FCHSD1: variants seen among roughly 807,000 people sequenced by gnomAD.
The protein encoded by FCHSD1 is F-BAR and double SH3 domains protein 1.
FCHSD1 carries 109 observed loss-of-function variants against 101.3 expected under a neutral mutation model. The ratio of observed to expected loss-of-function variants is 1.08; its 90% CI spans 0.92 to 1.26. The LOEUF (loss-of-function observed/expected upper bound fraction) is 1.26. FCHSD1 is among the 50% of genes most tolerant of loss of function. The pLI is 0.00. For synonymous variants in FCHSD1, 291 were observed against 356.8 expected, an observed-to-expected ratio of 0.82 and a Z score of 2.08; for missense variants, 820 against 895.8, an observed-to-expected ratio of 0.92 and a Z score of 1.08.
In FCHSD1 at chr5:141,640,700, C is replaced by G. The variant is rs1478160808; in HGVS notation, c.*798G>C. 2 of 1,533,850 alleles carry G rather than the reference C, an allele frequency of 1.3e-6. No homozygotes were observed. Among genetic ancestry groups the G allele is most frequent in the South Asian group, 1.2e-5 (1 of 83,696 alleles). The stretch of plus-strand genomic sequence containing the variant: ...CTTCATTGTGCTGATGGACTACCAG[C>G]TGGCAGGGCCAGGGGGTGGGTGGGC... On this transcript the variant is annotated 3_prime_UTR_variant, in exon 20 of 20. Coordinates refer to ENST00000435817, the MANE Select transcript of FCHSD1 (RefSeq NM_033449.3).
At chr5:141,645,960 G>A (rs753074024) in intron 12 of FCHSD1, 28 bp from the exon 13 acceptor site, 4 of 1,550,176 alleles carry the variant, frequency 2.6e-6, no homozygotes, top group Admixed American at 3.9e-5. Context: ...TAAGTTAGTG[G>A]AACCTGGCTG....
intron 18 of FCHSD1, 79 bp downstream of exon 18, chr5:141,642,922 A>G (rs1444718737): frequency 1.4e-6 from 2 of 1,404,588 alleles, no homozygotes; most frequent in African/African-American, 1.5e-5. Flanking sequence ...GGAGAGGACC[A>G]GAGCGTGACC....
Position 141,641,023 on chromosome 5 carries a change from C to A in FCHSD1, c.*475G>T. The A allele has an allele frequency of 2.6e-6, 1 of 383,820 alleles. No individual in the cohort carries two copies. Among genetic ancestry groups the A allele is most frequent in the Non-Finnish European group, 4.7e-6 (1 of 214,902 alleles). The allele number at this position is 383,820 out of a possible 1,614,324, so 23.8% of individuals were successfully genotyped here. A position where few individuals can be genotyped will look rare whatever the true frequency, so the allele number is the denominator to read the frequency against. On this transcript the variant is annotated 3_prime_UTR_variant, in exon 20 of 20. Transcript: ENST00000435817. The stretch of plus-strand genomic sequence containing the variant: ...GAGGCCCAGGCCCTGGCCTGGCCTT[C>A]GTGCCCTTTATTCATTGTCAATAAA...
rs569924469 is a variant in FCHSD1 at position 141,649,881 on chromosome 5, G to A, written c.233+6C>T. The A allele has an allele frequency of 1.5e-5, 23 of 1,547,902 alleles. No individual in the cohort carries two copies. The South Asian group carries it at 2.6e-4, about 18-fold the overall frequency. On this transcript the variant is annotated splice_donor_region_variant and intron_variant, in intron 4 of 19. Transcript: ENST00000435817. This position sits in a 1 kb window ranked among gnomAD's most constrained non-coding sequence, Gnocchi z 4.1. Reference sequence around the variant, plus strand: ...CTCTGTGGCCCTCCCCCTCCATAGGGCCCACCTGCTGTCCATCTCACCGCT... The same window carrying A: ...CTCTGTGGCCCTCCCCCTCCATAGGACCCACCTGCTGTCCATCTCACCGCT...
chr5:141,651,330 A>G lies in FCHSD1; in HGVS notation c.21+18T>C, dbSNP rs548102860. Reference sequence around the variant, plus strand: ...TTCCCCCAGCCCGCCAGGAGTCCCCATTCAGGGCCAAGCTCACTTTTCGGG... The same window carrying G: ...TTCCCCCAGCCCGCCAGGAGTCCCCGTTCAGGGCCAAGCTCACTTTTCGGG... On this transcript the variant is annotated intron_variant, in intron 1 of 19. Coordinates refer to ENST00000435817, the MANE Select transcript of FCHSD1 (RefSeq NM_033449.3). The G allele has an allele frequency of 3.2e-6, 5 of 1,553,306 alleles. No individual in the cohort carries two copies. The African/African-American group carries it at 4.1e-5, about 13-fold the overall frequency.
At chr5:141,647,552 C>A (rs915143539) in intron 8 of FCHSD1, 32 bp from the exon 9 acceptor site, 13 of 1,610,244 alleles carry the variant, frequency 8.1e-6, no homozygotes, top group African/African-American at 2.7e-5. Context: ...TGACACCACC[C>A]TTCCCCCAGA....
intron 13 of FCHSD1, 81 bp from the exon 14 acceptor site, chr5:141,645,229 A>G: frequency 1.3e-6 from 2 of 1,505,592 alleles, no homozygotes; most frequent in Non-Finnish European, 1.8e-6. Context: ...TCTTTCCTCT[A>G]AAGGACACCA....
At chr5:141,646,800 C>A in intron 10 of FCHSD1, 78 bp from the exon 11 acceptor site, 3 of 1,541,644 alleles carry the variant, frequency 1.9e-6, no homozygotes, top group South Asian at 1.2e-5. Context: ...TCCACTCTAT[C>A]TTGACCTCCA....
intron 3 of FCHSD1, 119 bp downstream of exon 3, chr5:141,650,240 C>G (rs2154598513): frequency 2.3e-6 from 3 of 1,304,270 alleles, no homozygotes; most frequent in Non-Finnish European, 3.3e-6. Flanking sequence ...GATCTGACAC[C>G]AGTCTGCTTG....
Position 141,640,004 on chromosome 5 carries a change from T to C in FCHSD1, c.*1494A>G. ...CCACAGACAGGAGCTGGGGCTCTGG[T>C]GGGGGACAGGACCCAGGGGGTGGTC... On this transcript the variant is annotated 3_prime_UTR_variant, in exon 20 of 20. Coordinates refer to ENST00000435817, the MANE Select transcript of FCHSD1 (RefSeq NM_033449.3). The C allele has an allele frequency of 6.2e-7, 1 of 1,613,372 alleles. No homozygotes were observed. Among genetic ancestry groups the C allele is most frequent in the Non-Finnish European group, 8.5e-7 (1 of 1,179,714 alleles).
chr5:141,641,962 G>C (rs2099906956), intron 18 of FCHSD1: 1 of 619,560 alleles, frequency 1.6e-6, no homozygotes, highest in African/African-American at 1.8e-5. Flanking sequence ...ACAAAACTAA[G>C]GGAGATAGGA....
At position 141,640,575 on chromosome 5, in the gene FCHSD1, T is replaced by C. The variant is rs752330892; in HGVS notation, c.*923A>G. 5.1e-6 allele frequency: 8 copies of C among 1,555,520 alleles called. No homozygotes were observed. The highest frequency in any genetic ancestry group is 2.4e-5 in the East Asian group (1 of 41,526). ...TAGCCTTTGCTATAAATCCCTTGGT[T>C]TGGTGGTGGAGGTAGGGAAGGTCCT... On this transcript the variant is annotated 3_prime_UTR_variant, in exon 20 of 20. Coordinates refer to ENST00000435817, the MANE Select transcript of FCHSD1 (RefSeq NM_033449.3).
At chr5:141,650,475 T>C (rs1035009115) in intron 2 of FCHSD1, 71 bp from the exon 3 acceptor site, 4 of 1,600,336 alleles carry the variant, frequency 2.5e-6, no homozygotes, top group Middle Eastern at 1.7e-4. Context: ...CCATCCTCAG[T>C]CCTCTACTCT....
chr5:141,642,813 C>T, intron 18 of FCHSD1, 188 bp downstream of exon 18: 1 of 579,940 alleles, frequency 1.7e-6, no homozygotes, highest in Non-Finnish European at 3.0e-6. Context: ...TTCAGAATCC[C>T]ACCACACACT....
intron 12 of FCHSD1, 30 bp downstream of exon 12, chr5:141,646,057 G>A (rs1410456549): frequency 4.4e-6 from 7 of 1,586,618 alleles, no homozygotes; most frequent in Non-Finnish European, 6.0e-6. Context: ...CTGAGAAGGT[G>A]GGATCTCTAA....
At chr5:141,645,249 C>T in intron 13 of FCHSD1, 101 bp from the exon 14 acceptor site, 7 of 1,482,046 alleles carry the variant, frequency 4.7e-6, no homozygotes, top group Non-Finnish European at 6.3e-6. Flanking sequence ...ATGGATCCTC[C>T]AAGGCAGGTG....
Position 141,650,384 on chromosome 5 carries a change from G to A in FCHSD1, c.140C>T (p.Ala47Val), listed in dbSNP as rs2099908223. The change falls in exon 3 of 20, where the codon GCA becomes GTA. Residue 47 changes from alanine to valine, a missense_variant. By Grantham distance (64) the Ala-to-Val change is moderately conservative. Coordinates refer to ENST00000435817, the MANE Select transcript of FCHSD1 (RefSeq NM_033449.3). ...EDIRSYSKQR[A>V]AIEREYGQAL... is the part of the protein sequence containing the mutation. ...CTGCCCATACTCCCGTTCAATGGCTGCCCTCTGCTTGCTGTAGGATCTGCG... is the reference window on the plus strand; with the variant it reads ...CTGCCCATACTCCCGTTCAATGGCTACCCTCTGCTTGCTGTAGGATCTGCG... 2 of 1,613,928 alleles carry A rather than the reference G, an allele frequency of 1.2e-6. No individual in the cohort carries two copies. Among genetic ancestry groups the A allele is most frequent in the African/African-American group, 1.3e-5 (1 of 75,012 alleles).
chr5:141,645,731 C>A, intron 13 of FCHSD1, 40 bp downstream of exon 13: 1 of 1,574,202 alleles, frequency 6.4e-7, no homozygotes, highest in Non-Finnish European at 8.6e-7. Context: ...GAGTTTTTCC[C>A]TTCTAAGTAA....
Position 141,641,346 on chromosome 5 carries a change from T to C in FCHSD1, c.*152A>G. On this transcript the variant is annotated 3_prime_UTR_variant, in exon 20 of 20. Transcript: ENST00000435817. ...AAGGAGTGGGTTCCAGCTCTAGAAATGGGAAGGGGCAAGTTTCCACCCTTG... is the reference window on the plus strand; with the variant it reads ...AAGGAGTGGGTTCCAGCTCTAGAAACGGGAAGGGGCAAGTTTCCACCCTTG... 1 of 608,522 alleles carries C rather than the reference T, an allele frequency of 1.6e-6. No homozygotes were observed. The highest frequency in any genetic ancestry group is 2.7e-6 in the Non-Finnish European group (1 of 371,580). The allele number at this position is 608,522 out of a possible 1,614,324, so 37.7% of individuals were successfully genotyped here. A position where few individuals can be genotyped will look rare whatever the true frequency, so the allele number is the denominator to read the frequency against.
Sources: allele counts gnomAD v4.1 joint callset, GRCh38; gene constraint gnomAD v4.1.1; non-coding constraint Gnocchi (gnomAD v3.1); transcripts MANE v1.5; gene names NCBI Gene and HGNC (gene_info 2026-07-23, HGNC 2026-07-21).